HIF1AN: variants seen among roughly 807,000 people sequenced by gnomAD.
HIF1AN encodes the protein hypoxia-inducible factor 1-alpha inhibitor.
A neutral mutation model predicts 47.7 loss-of-function variants in HIF1AN; 21 were observed. The observed-to-expected ratio is 0.44, with a 90% confidence interval of 0.31 to 0.63. HIF1AN has a LOEUF of 0.63. HIF1AN is among the 30% of genes least tolerant of loss of function. HIF1AN has a pLI of 0.07. For synonymous variants in HIF1AN, 152 were observed against 155.9 expected (o/e 0.98, Z 0.18); for missense variants, 320 against 432.7 (o/e 0.74, Z 2.31).
rs778432940 is a variant in HIF1AN, at chr10:100,535,953, G to T, written c.-6G>T. ...GTTCCGGTGGGGGCCGTCCCTGGCG[G>T]CGGAGATGGCGGCGACAGCGGCGGA... On this transcript the variant is annotated 5_prime_UTR_variant, in exon 1 of 8. Transcript: ENST00000299163. 15 of 1,547,074 alleles carry T rather than the reference G, an allele frequency of 9.7e-6. No individual in the cohort carries two copies. The South Asian group carries it at 1.7e-4, about 17-fold the overall frequency.
In HIF1AN at chr10:100,558,887, A is replaced by C. The variant is rs977738463; in HGVS notation, c.*10750A>C. 1 of 152,036 alleles carries C rather than the reference A, an allele frequency of 6.6e-6. No homozygotes were observed. Among genetic ancestry groups the C allele is most frequent in the South Asian group, 2.1e-4 (1 of 4,830 alleles). The allele number at this position is 152,036 out of a possible 1,614,324, so 9.4% of individuals were successfully genotyped here. On this transcript the variant is annotated 3_prime_UTR_variant, in exon 8 of 8. Coordinates refer to ENST00000299163, the MANE Select transcript of HIF1AN (RefSeq NM_017902.3). ...GAACAGGTGTGTTTAAAAACATCAA[A>C]CCCCCACATCATTACTATTTGCTGT... is the stretch of plus-strand genomic sequence containing the variant.
intron 3 of HIF1AN, among the ~76,000 whole-genome samples, chr10:100,541,583 C>T (rs908949570): frequency 4.6e-5 from 7 of 151,792 alleles, no homozygotes; most frequent in African/African-American, 1.7e-4. Flanking sequence ...TCACTGCAAC[C>T]TCCGCCTCCC....
intron 2 of HIF1AN, among the ~76,000 whole-genome samples, chr10:100,537,443 G>A (rs1414902404): frequency 6.6e-6 from 1 of 152,120 alleles, no homozygotes. Flanking sequence ...TGATGACTGA[G>A]GATAGTTCAA....
chr10:100,559,689 T>A lies in HIF1AN; in HGVS notation c.*11552T>A, dbSNP rs1843242124. The A allele has an allele frequency of 6.6e-6, 1 of 152,254 alleles. No homozygotes were observed. The highest frequency in any genetic ancestry group is 6.5e-5 in the Admixed American group (1 of 15,284). The allele number at this position is 152,254 out of a possible 1,614,324, so 9.4% of individuals were successfully genotyped here. On this transcript the variant is annotated 3_prime_UTR_variant, in exon 8 of 8. Coordinates refer to ENST00000299163, the MANE Select transcript of HIF1AN (RefSeq NM_017902.3). ...CCTCAGCCTCCCAAAGTTCTGGGAT[T>A]ACAGGCATAAGCCACTGTGCCTGGC...
intron 1 of HIF1AN, 21 bp downstream of exon 1, chr10:100,536,156 T>A: frequency 6.4e-7 from 1 of 1,573,030 alleles, no homozygotes; most frequent in Non-Finnish European, 8.6e-7. Context: ...GGGCCGCGTC[T>A]AAAGGGAGAG....
In HIF1AN at chr10:100,552,183, C is replaced by T. The variant is rs1169335635; in HGVS notation, c.*4046C>T. ...ACTTCAAGGACAGTATTAATTTATACTAGTATTTCTTCCTCAGTTTTGTGA... is the reference window on the plus strand; with the variant it reads ...ACTTCAAGGACAGTATTAATTTATATTAGTATTTCTTCCTCAGTTTTGTGA... On this transcript the variant is annotated 3_prime_UTR_variant, in exon 8 of 8. Transcript: ENST00000299163. 6.6e-6 allele frequency: 1 copy of T among 152,246 alleles called. No homozygotes were observed. The highest frequency in any genetic ancestry group is 1.5e-5 in the Non-Finnish European group (1 of 68,046). 9.4% of individuals were successfully genotyped at this position (152,246 alleles called of 1,614,324 possible). A position where few individuals can be genotyped will look rare whatever the true frequency, so the allele number is the denominator to read the frequency against.
chr10:100,536,213 T>C, intron 1 of HIF1AN, 78 bp downstream of exon 1: 1 of 1,413,912 alleles, frequency 7.1e-7, no homozygotes, highest in Non-Finnish European at 9.7e-7. Flanking sequence ...GTGAAAGAGA[T>C]GGGAGACTGG....
At position 100,536,453 on chromosome 10, in the gene HIF1AN, C is replaced by G; in HGVS notation, c.220C>G (p.Leu74Val). The change falls in exon 2 of 8, where the codon CTG becomes GTG. Residue 74 changes from leucine to valine, a missense_variant. By Grantham distance (32) the Leu-to-Val change is conservative. Coordinates refer to ENST00000299163, the MANE Select transcript of HIF1AN (RefSeq NM_017902.3). ...LTDTNLVYPA[L>V]KWDLEYLQEN... is the part of the protein sequence containing the mutation. Reference sequence around the variant, plus strand: ...CGACACAAATCTTGTGTATCCTGCCCTGAAATGGGACCTTGAATACCTGCA... The same window carrying G: ...CGACACAAATCTTGTGTATCCTGCCGTGAAATGGGACCTTGAATACCTGCA... 6.2e-7 allele frequency: 1 copy of G among 1,614,150 alleles called. No individual in the cohort carries two copies.
chr10:100,537,063 C>T (rs1048594636), intron 2 of HIF1AN, among the ~76,000 whole-genome samples: 2 of 152,136 alleles, frequency 1.3e-5, no homozygotes, highest in African/African-American at 2.4e-5. Context: ...GGGGGTGGCT[C>T]ATGCCTGTAA....
At chr10:100,536,157 A>G (rs1589749916) in intron 1 of HIF1AN, 22 bp downstream of exon 1, 9 of 1,572,930 alleles carry the variant, frequency 5.7e-6, no homozygotes, top group Non-Finnish European at 7.8e-6. Flanking sequence ...GGCCGCGTCT[A>G]AAGGGAGAGG....
chr10:100,546,443 A>AAC, intron 5 of HIF1AN, 75 bp from the exon 6 acceptor site: 1 of 454,844 alleles, frequency 2.2e-6, no homozygotes, highest in Non-Finnish European at 4.0e-6. Flanking sequence ...CAACCCTGCC[A>AAC]CCCCCCCGCA....
intron 3 of HIF1AN, 75 bp downstream of exon 3, chr10:100,540,857 T>C (rs1428375604): frequency 7.6e-7 from 1 of 1,323,676 alleles, no homozygotes; most frequent in African/African-American, 1.5e-5. Flanking sequence ...CACCGCTTAT[T>C]AGCTCCATGA....
intron 2 of HIF1AN, 50 bp downstream of exon 2, chr10:100,536,711 C>G (rs1382051430): frequency 6.3e-7 from 1 of 1,597,570 alleles, no homozygotes; most frequent in Non-Finnish European, 8.5e-7. Flanking sequence ...ACTCATTTTT[C>G]TTTCCTATAC....
chr10:100,536,730 A>G, intron 2 of HIF1AN, 69 bp downstream of exon 2: 1 of 1,562,150 alleles, frequency 6.4e-7, no homozygotes, highest in Non-Finnish European at 8.7e-7. Flanking sequence ...ACTTGTTTGA[A>G]GGTGTGGCAG....
intron 7 of HIF1AN, 62 bp from the exon 8 acceptor site, chr10:100,548,031 C>A (rs1843110772): frequency 2.7e-6 from 4 of 1,498,160 alleles, no homozygotes; most frequent in Non-Finnish European, 3.7e-6. Flanking sequence ...CCAGACACAC[C>A]CTGTCCAATT....
chr10:100,547,278 TG>T (rs757325196), intron 7 of HIF1AN, 28 bp downstream of exon 7: 1 of 1,458,820 alleles, frequency 6.9e-7, no homozygotes, highest in East Asian at 2.3e-5. Flanking sequence ...GGTGGCTCAG[TG>T]GGTGGGTTGA....
In HIF1AN at chr10:100,553,905, G is replaced by A. The variant is rs1843190579; in HGVS notation, c.*5768G>A. The A allele has an allele frequency of 6.6e-6, 1 of 152,172 alleles. No homozygotes were observed. Among genetic ancestry groups the A allele is most frequent in the Admixed American group, 6.5e-5 (1 of 15,282 alleles). 9.4% of individuals were successfully genotyped at this position (152,172 alleles called of 1,614,324 possible). ...TGGCAAGCACTTAATAAATGGCTGT[G>A]GTGGTGGTGGTTATATTTATTATGT... On this transcript the variant is annotated 3_prime_UTR_variant, in exon 8 of 8. Transcript: ENST00000299163.
chr10:100,536,066 C>T lies in HIF1AN; in HGVS notation c.108C>T (p.Ser36=). 6.2e-7 allele frequency: 1 copy of T among 1,612,506 alleles called. No homozygotes were observed. ...ATGAATCCCAGTTGCGCAGTTATAG[C>T]TTCCCGACTAGGCCCATTCCGCGTC... ...AWDESQLRSY[S]FPTRPIPRLS... Residue 36 remains serine (S), a synonymous_variant, in exon 1 of 8, where the codon AGC becomes AGT. Coordinates refer to ENST00000299163, the MANE Select transcript of HIF1AN (RefSeq NM_017902.3).
intron 1 of HIF1AN, 120 bp from the exon 2 acceptor site, chr10:100,536,291 C>G: frequency 7.3e-7 from 1 of 1,363,594 alleles, no homozygotes; most frequent in Non-Finnish European, 1.0e-6. Context: ...CTTAGGGGTT[C>G]GTGCTGATTA....
Sources: allele counts gnomAD v4.1 joint callset (sites outside exome capture counted in the v4.1 genomes callset), GRCh38; gene constraint gnomAD v4.1.1; transcripts MANE v1.5; gene names NCBI Gene and HGNC (gene_info 2026-07-23, HGNC 2026-07-21).